The following ZMYND11 variants were observed in gnomAD, a reference collection of about 807,000 sequenced individuals.
The protein encoded by ZMYND11 is zinc finger MYND-type containing 11.
A neutral mutation model predicts 84.9 loss-of-function variants in ZMYND11; 9 were observed. That is an observed-to-expected ratio of 0.11 (90% CI 0.06 to 0.18). ZMYND11 has a LOEUF of 0.18. Ranked by LOEUF, ZMYND11 falls within the 10% of genes least tolerant of loss-of-function variation. ZMYND11 has a pLI of 1.00. For missense variants in ZMYND11, 409 were observed against 761.0 expected, an observed-to-expected ratio of 0.54 and a Z score of 5.44; for synonymous variants, 250 against 244.1, an observed-to-expected ratio of 1.02 and a Z score of -0.23.
upstream of ZMYND11, among the ~76,000 whole-genome samples, chr10:131,643 G>A (rs367607083): frequency 4.0e-4 from 61 of 152,166 alleles, 2 homozygotes; most frequent in East Asian, 7.1e-3. Flanking sequence ...TCCTCCCTCA[G>A]CTTCTCGAGT....
chr10:131,690 AT>A (rs554115988), upstream of ZMYND11, among the ~76,000 whole-genome samples: 122 of 143,982 alleles, frequency 8.5e-4, no homozygotes, highest in Admixed American at 9.7e-4. Context: ...ACATCTGGCT[AT>A]TTTTTTTTTT....
At chr10:243,735 T>G (rs1301764000) in intron 10 of ZMYND11, among the ~76,000 whole-genome samples, 1 of 152,076 alleles carries the variant, frequency 6.6e-6, no homozygotes, top group Non-Finnish European at 1.5e-5. Flanking sequence ...CGTGGTGGTG[T>G]GTGCCTGTAG....
At chr10:196,396 A>T (rs1262533635) in intron 2 of ZMYND11, among the ~76,000 whole-genome samples, 1 of 152,248 alleles carries the variant, frequency 6.6e-6, no homozygotes, top group Non-Finnish European at 1.5e-5. Context: ...TTTCTCCAAC[A>T]AACTGGATAA....
intron 1 of ZMYND11, among the ~76,000 whole-genome samples, chr10:178,777 G>A (rs1847212903): frequency 6.6e-6 from 1 of 152,142 alleles, no homozygotes; most frequent in African/African-American, 2.4e-5. Context: ...TCTGATGGTG[G>A]TGTAATTCTG....
chr10:213,510 T>C (rs1024451759), intron 3 of ZMYND11, among the ~76,000 whole-genome samples: 18 of 152,328 alleles, frequency 1.2e-4, no homozygotes, highest in Admixed American at 1.0e-3. Context: ...CATAGGATGT[T>C]TTTGGTTATC....
chr10:220,305 T>TAAAGTTGAGAATTAACTC (rs1267504130), intron 3 of ZMYND11, among the ~76,000 whole-genome samples: 10 of 152,172 alleles, frequency 6.6e-5, no homozygotes, highest in African/African-American at 7.2e-5. Flanking sequence ...CATCTACAAA[T>TAAAGTTGAGAATTAACTC]AAAGTTGAGA....
At chr10:240,227 C>T (rs559635225) in intron 8 of ZMYND11, 116 bp downstream of exon 8, 39 of 921,394 alleles carry the variant, frequency 4.2e-5, no homozygotes, top group South Asian at 1.5e-4. Context: ...CTTTTATTGC[C>T]GGGCGTGGGG....
intron 1 of ZMYND11, among the ~76,000 whole-genome samples, chr10:171,176 A>G (rs1422456548): frequency 6.6e-6 from 1 of 152,180 alleles, no homozygotes; most frequent in Non-Finnish European, 1.5e-5. Context: ...ATATGACACA[A>G]AAACTGATAG....
At chr10:205,857 T>A (rs1165094737) in intron 2 of ZMYND11, among the ~76,000 whole-genome samples, 2 of 152,152 alleles carry the variant, frequency 1.3e-5, no homozygotes, top group Non-Finnish European at 2.9e-5. Context: ...AATATCTGGT[T>A]TAATTTCACC....
At chr10:237,359 T>C (rs1279826602) in intron 5 of ZMYND11, among the ~76,000 whole-genome samples, 1 of 152,212 alleles carries the variant, frequency 6.6e-6, no homozygotes, top group Admixed American at 6.5e-5. Flanking sequence ...GTAGAAAATA[T>C]TGGCCGGGCG....
At chr10:196,584 G>A (rs765132998) in intron 2 of ZMYND11, among the ~76,000 whole-genome samples, 9 of 152,090 alleles carry the variant, frequency 5.9e-5, no homozygotes, top group East Asian at 1.9e-4. Context: ...TTTGATAATC[G>A]TTGAAATTTT....
chr10:175,410 AT>A (rs1334583063), intron 1 of ZMYND11, among the ~76,000 whole-genome samples: 1 of 152,174 alleles, frequency 6.6e-6, no homozygotes, highest in African/African-American at 2.4e-5. Flanking sequence ...TCTACTAAAA[AT>A]ACAAAAATTA....
At chr10:178,253 T>A (rs1847092157) in intron 1 of ZMYND11, among the ~76,000 whole-genome samples, 1 of 152,196 alleles carries the variant, frequency 6.6e-6, no homozygotes, top group Non-Finnish European at 1.5e-5. Flanking sequence ...TTGGCAAGGG[T>A]CGCCGTTTAT....
At chr10:211,503 T>C (rs1369151687) in intron 3 of ZMYND11, among the ~76,000 whole-genome samples, 1 of 152,190 alleles carries the variant, frequency 6.6e-6, no homozygotes, top group Non-Finnish European at 1.5e-5. Flanking sequence ...CATACTAACC[T>C]GTGAAGCCTG....
intron 3 of ZMYND11, among the ~76,000 whole-genome samples, chr10:220,172 A>G (rs776796945): frequency 3.9e-5 from 6 of 152,172 alleles, no homozygotes; most frequent in Non-Finnish European, 7.4e-5. Flanking sequence ...TGGAAACCGT[A>G]TAGATAACAA....
chr10:185,700 A>T (rs1287561363), intron 2 of ZMYND11, among the ~76,000 whole-genome samples: 1 of 151,124 alleles, frequency 6.6e-6, no homozygotes, highest in Non-Finnish European at 1.5e-5. Context: ...CTGTGCTCCC[A>T]GCTACTGGGG....
intron 2 of ZMYND11, among the ~76,000 whole-genome samples, chr10:207,346 A>G (rs989092905): frequency 2.6e-5 from 4 of 152,180 alleles, no homozygotes; most frequent in Admixed American, 6.5e-5. Context: ...TCCTTTGGGT[A>G]TATACCCACT....
intron 2 of ZMYND11, among the ~76,000 whole-genome samples, chr10:185,689 C>T (rs932431419): frequency 3.3e-5 from 5 of 151,384 alleles, no homozygotes; most frequent in African/African-American, 1.2e-4. Flanking sequence ...GTGGCAGGCA[C>T]CTGTGCTCCC....
rs148841391 is a variant in ZMYND11 at position 153,548 on chromosome 10, A to G, written c.-20+17989A>G. On this transcript the variant is annotated intron_variant, in intron 1 of 14. Transcript: ENST00000381604. ...AAATTTACCTCTTTTATTGGCATACATTCTATTTATATCAGTAACATCTAC... is the reference window on the plus strand; with the variant it reads ...AAATTTACCTCTTTTATTGGCATACGTTCTATTTATATCAGTAACATCTAC... Among the ~76,000 whole-genome samples, 589 of 152,312 alleles carry G rather than the reference A, an allele frequency of 3.9e-3. 7 individuals carry two copies. The highest frequency in any genetic ancestry group is 5.9e-3 in the Non-Finnish European group (401 of 68,026).
Sources: gnomAD v4.1 joint callset for allele counts (sites outside exome capture counted in the v4.1 genomes callset) on GRCh38, gnomAD v4.1.1 for gene constraint, MANE v1.5 for transcripts, NCBI Gene and HGNC (gene_info 2026-07-23, HGNC 2026-07-21) for gene names.